CYP4X1: variants seen among roughly 807,000 people sequenced by gnomAD.
CYP4X1 encodes the protein cytochrome P450 4X1.
CYP4X1 carries 44 observed loss-of-function variants against 57.9 expected under a neutral mutation model. That is an observed-to-expected ratio of 0.76 (90% CI 0.60 to 0.98). The LOEUF is 0.98. CYP4X1 is among the 50% of genes least tolerant of loss of function. CYP4X1 has a pLI of 0.00. For synonymous variants in CYP4X1, 227 were observed against 228.6 expected (o/e 0.99, Z 0.06); for missense variants, 532 against 623.9 (o/e 0.85, Z 1.57).
At chr1:47,009,768 G>T in the CYP4X1 span, among the ~76,000 whole-genome samples, 1 of 152,182 alleles carries the variant, frequency 6.6e-6, no homozygotes, top group Non-Finnish European at 1.5e-5. Context: ...TACCATCAGG[G>T]AATACTATAA....
chr1:46,969,658 CA>C, the CYP4X1 span, among the ~76,000 whole-genome samples: 1 of 152,226 alleles, frequency 6.6e-6, no homozygotes, highest in African/African-American at 2.4e-5. Context: ...AAGATTTCCA[CA>C]GAAGCAATTA....
chr1:47,012,318 A>G, the CYP4X1 span, among the ~76,000 whole-genome samples: 3 of 152,240 alleles, frequency 2.0e-5, 1 homozygote, highest in Admixed American at 2.0e-4. Flanking sequence ...ACAGAAAACC[A>G]AACACTGTAT....
At chr1:46,979,769 C>T in the CYP4X1 span, among the ~76,000 whole-genome samples, 2 of 152,246 alleles carry the variant, frequency 1.3e-5, no homozygotes, top group South Asian at 2.1e-4. Context: ...CATCAAAAAG[C>T]TTATCCACCA....
chr1:46,965,215 G>A, the CYP4X1 span, among the ~76,000 whole-genome samples: 1 of 152,172 alleles, frequency 6.6e-6, no homozygotes, highest in Non-Finnish European at 1.5e-5. Flanking sequence ...GCCCTGAATT[G>A]GCTCATGCTC....
chr1:46,974,265 A>C, the CYP4X1 span, among the ~76,000 whole-genome samples: 1 of 151,946 alleles, frequency 6.6e-6, no homozygotes, highest in Non-Finnish European at 1.5e-5. Context: ...TTTTTCTTGC[A>C]TTGTGGTCTG....
intron 4 of CYP4X1, among the ~76,000 whole-genome samples, chr1:47,034,184 G>A (rs1335525217): frequency 6.6e-6 from 1 of 152,186 alleles, no homozygotes; most frequent in African/African-American, 2.4e-5. Context: ...GAGTGAGGGA[G>A]CATGAACAAA....
the CYP4X1 span, among the ~76,000 whole-genome samples, chr1:46,978,322 C>T: frequency 6.6e-6 from 1 of 151,994 alleles, no homozygotes; most frequent in Non-Finnish European, 1.5e-5. Flanking sequence ...GCAGGGGTTG[C>T]AATCCTAGTC....
the CYP4X1 span, among the ~76,000 whole-genome samples, chr1:46,991,692 G>C: frequency 6.6e-6 from 1 of 152,182 alleles, no homozygotes; most frequent in Non-Finnish European, 1.5e-5. Context: ...CCATGTGAGG[G>C]CCAAAGCAAG....
chr1:47,043,075 C>T (rs1235620603), intron 8 of CYP4X1, among the ~76,000 whole-genome samples: 1 of 152,206 alleles, frequency 6.6e-6, no homozygotes, highest in Non-Finnish European at 1.5e-5. Flanking sequence ...TTCCCACCAA[C>T]AGTGTAGAAG....
At chr1:46,970,538 T>C in the CYP4X1 span, among the ~76,000 whole-genome samples, 1 of 152,034 alleles carries the variant, frequency 6.6e-6, no homozygotes, top group South Asian at 2.1e-4. Flanking sequence ...CAATATTGAG[T>C]CTATGTTAAA....
the CYP4X1 span, among the ~76,000 whole-genome samples, chr1:47,017,125 C>T: frequency 6.6e-6 from 1 of 152,198 alleles, no homozygotes; most frequent in Admixed American, 6.5e-5. Context: ...TAGGTTGCTT[C>T]CAAATTCTGG....
chr1:46,999,067 T>TGTGTGTGTGTGTGTGTGTG, the CYP4X1 span, among the ~76,000 whole-genome samples: 3 of 144,466 alleles, frequency 2.1e-5, no homozygotes, highest in African/African-American at 5.0e-5. Context: ...TGTGTGTGTG[T>TGTGTGTGTGTGTGTGTGTG]TTTGGTGCTG....
chr1:47,001,715 A>C, the CYP4X1 span, among the ~76,000 whole-genome samples: 3 of 152,106 alleles, frequency 2.0e-5, no homozygotes, highest in East Asian at 5.8e-4. Context: ...TCTTGCCTGG[A>C]CTTTCTGGAT....
the CYP4X1 span, among the ~76,000 whole-genome samples, chr1:47,015,452 C>G: frequency 6.6e-6 from 1 of 151,998 alleles, no homozygotes; most frequent in Non-Finnish European, 1.5e-5. Flanking sequence ...TCAGGATTCT[C>G]TAAAAAAAAC....
the CYP4X1 span, among the ~76,000 whole-genome samples, chr1:47,004,988 C>T: frequency 6.6e-6 from 1 of 152,092 alleles, no homozygotes; most frequent in Non-Finnish European, 1.5e-5. Flanking sequence ...GGCCTTCATC[C>T]AGGGACAAAA....
At chr1:47,052,528 A>C (rs1257895428), downstream of CYP4X1, among the ~76,000 whole-genome samples, 1 of 152,192 alleles carries the variant, frequency 6.6e-6, no homozygotes. Flanking sequence ...GAAAGGTGCA[A>C]GAAAATGTCA....
upstream of CYP4X1, among the ~76,000 whole-genome samples, chr1:47,022,283 CTTTTTTTTTTTTTTTT>C (rs11352280): frequency 1.3e-5 from 1 of 77,312 alleles, no homozygotes; most frequent in Non-Finnish European, 2.4e-5. Flanking sequence ...TGGGGCCTGT[CTTTTTTTTTTTTTTTT>C]TTTTTTTTTT....
At chr1:46,961,871 G>A in the CYP4X1 span, 1 of 946,676 alleles carries the variant, frequency 1.1e-6, no homozygotes, top group Admixed American at 3.0e-5. Context: ...TGGCCTCTTT[G>A]TGCCTGTCTT....
chr1:46,998,468 T>C, the CYP4X1 span, among the ~76,000 whole-genome samples: 3 of 152,342 alleles, frequency 2.0e-5, 1 homozygote, highest in Middle Eastern at 6.8e-3. Flanking sequence ...TTCCTATAGA[T>C]TCTAAAAATT....
Sources: gnomAD v4.1 joint callset for allele counts (sites outside exome capture counted in the v4.1 genomes callset) on GRCh38, gnomAD v4.1.1 for gene constraint, MANE v1.5 for transcripts, NCBI Gene and HGNC (gene_info 2026-07-23, HGNC 2026-07-21) for gene names.